The following INPP4B variants were observed in gnomAD, a reference collection of about 807,000 sequenced individuals.
INPP4B encodes inositol polyphosphate-4-phosphatase type II B.
INPP4B carries 55 observed loss-of-function variants against 122.5 expected under a neutral mutation model. That is an observed-to-expected ratio of 0.45 (90% CI 0.36 to 0.56). The LOEUF (loss-of-function observed/expected upper bound fraction) is 0.56. Ranked by LOEUF, INPP4B falls within the 20% of genes least tolerant of loss-of-function variation. The probability of loss-of-function intolerance (pLI) is 0.00; values close to 1 mark genes in which losing one functional copy is unlikely to be tolerated. For missense variants in INPP4B, 1,000 were observed against 1,097.7 expected (o/e 0.91, Z 1.26); for synonymous variants, 403 against 388.7 (o/e 1.04, Z -0.43).
intron 2 of INPP4B, among the ~76,000 whole-genome samples, chr4:142,530,973 G>C (rs1407472587): frequency 1.3e-5 from 2 of 151,980 alleles, no homozygotes; most frequent in Non-Finnish European, 2.9e-5. Context: ...CAAAAGAAGT[G>C]TTATGACACA....
chr4:142,200,677 A>G (rs1840264742), intron 14 of INPP4B, among the ~76,000 whole-genome samples: 1 of 152,060 alleles, frequency 6.6e-6, no homozygotes, highest in South Asian at 2.1e-4. Context: ...TCTAAGACAG[A>G]CATATTGATA....
At chr4:142,477,121 A>G (rs2149717954) in intron 2 of INPP4B, among the ~76,000 whole-genome samples, 1 of 152,342 alleles carries the variant, frequency 6.6e-6, no homozygotes, top group Non-Finnish European at 1.5e-5. Context: ...CACAATAAAA[A>G]TAGAAAACAA....
At chr4:142,199,758 G>C (rs1839890245) in intron 14 of INPP4B, among the ~76,000 whole-genome samples, 1 of 151,938 alleles carries the variant, frequency 6.6e-6, no homozygotes, top group Admixed American at 6.6e-5. Context: ...ATTAGACTTA[G>C]GTTGTGCAAT....
At position 142,028,891 on chromosome 4, in the gene INPP4B, A is replaced by C; in HGVS notation, c.2666T>G (p.Val889Gly). The C allele has an allele frequency of 6.2e-7, 1 of 1,613,038 alleles. No individual in the cohort carries two copies. Among genetic ancestry groups the C allele is most frequent in the Non-Finnish European group, 8.5e-7 (1 of 1,179,454 alleles). The change falls in exon 26 of 26, where the codon GTA becomes GGA. Residue 889 changes from valine (V) to glycine (G), a missense_variant. Coordinates refer to ENST00000262992, the MANE Select transcript of INPP4B (RefSeq NM_001101669.3). ...CTTTCTGCATTTGATATTCTTCAGT[A>C]CATTCTCTATGCGGCATCCTTCTCT... is the stretch of plus-strand genomic sequence containing the variant. ...MRREGCRIEN[V>G]LKNIKCRKYA... is the part of the protein sequence containing the mutation.
intron 2 of INPP4B, among the ~76,000 whole-genome samples, chr4:142,658,705 A>G (rs1754605513): frequency 6.6e-6 from 1 of 152,244 alleles, no homozygotes; most frequent in South Asian, 2.1e-4. Context: ...CTAGAAGGGT[A>G]TGCTTCCCTT....
At chr4:142,098,229 G>T (rs1375890482) in intron 23 of INPP4B, among the ~76,000 whole-genome samples, 5 of 152,070 alleles carry the variant, frequency 3.3e-5, no homozygotes, top group Non-Finnish European at 7.4e-5. Context: ...GTGTGGAGCA[G>T]AGTGAGGTAA....
chr4:142,267,087 T>C (rs1392099518), intron 10 of INPP4B, among the ~76,000 whole-genome samples: 1 of 152,210 alleles, frequency 6.6e-6, no homozygotes, highest in Non-Finnish European at 1.5e-5. Context: ...AAGTATCCCA[T>C]GCTCGTGGAT....
chr4:142,700,952 C>T (rs1761676107), intron 2 of INPP4B, among the ~76,000 whole-genome samples: 1 of 152,014 alleles, frequency 6.6e-6, no homozygotes. Context: ...ATGTATCAGT[C>T]AGGGCTATAG....
intron 5 of INPP4B, among the ~76,000 whole-genome samples, chr4:142,411,633 T>C (rs1202188253): frequency 9.9e-5 from 15 of 152,174 alleles, no homozygotes; most frequent in Admixed American, 9.8e-4. Context: ...GGCTAATGCC[T>C]GTAATCCCAG....
At chr4:142,474,664 T>G (rs928462116) in intron 2 of INPP4B, among the ~76,000 whole-genome samples, 4 of 152,036 alleles carry the variant, frequency 2.6e-5, no homozygotes, top group African/African-American at 9.6e-5. Flanking sequence ...CTCCTGCTGC[T>G]GGTAGCCAGG....
At chr4:142,737,531 C>A (rs975283818) in intron 1 of INPP4B, among the ~76,000 whole-genome samples, 12 of 152,236 alleles carry the variant, frequency 7.9e-5, no homozygotes, top group Admixed American at 6.5e-4. Context: ...CTAGGCAATA[C>A]CATTCAGGAC....
chr4:142,069,915 A>C (rs115060422), intron 25 of INPP4B, among the ~76,000 whole-genome samples: 1 of 152,130 alleles, frequency 6.6e-6, no homozygotes, highest in East Asian at 1.9e-4. Flanking sequence ...ACAAACAGGA[A>C]CTGGTACCGT....
At chr4:142,252,329 C>T (rs1194500670) in intron 11 of INPP4B, among the ~76,000 whole-genome samples, 2 of 151,592 alleles carry the variant, frequency 1.3e-5, no homozygotes, top group Admixed American at 6.6e-5. Context: ...GCTGGGACTA[C>T]AGGCGCCCGC....
intron 2 of INPP4B, among the ~76,000 whole-genome samples, chr4:142,619,396 T>C (rs2150366198): frequency 6.6e-6 from 1 of 152,172 alleles, no homozygotes; most frequent in Admixed American, 6.6e-5. Flanking sequence ...CAATGGAATA[T>C]GATTCAGCCT....
In INPP4B at chr4:142,272,366, T is replaced by C. The variant is rs114752483; in HGVS notation, c.504-1592A>G. Among the ~76,000 whole-genome samples the C allele has an allele frequency of 5.1e-3, 779 of 152,078 alleles. 4 individuals are homozygous for C. The highest frequency in any genetic ancestry group is 8.5e-3 in the Non-Finnish European group (579 of 67,892). ...TAAGAAAATTAAAAGAGAAAATTTC[T>C]GATAGCATGTACACAGCTGATTTCA... On this transcript the variant is annotated intron_variant, in intron 9 of 25. Coordinates refer to ENST00000262992, the MANE Select transcript of INPP4B (RefSeq NM_001101669.3).
At chr4:142,174,631 T>TA (rs1827211309) in intron 15 of INPP4B, among the ~76,000 whole-genome samples, 2 of 71,776 alleles carry the variant, frequency 2.8e-5, no homozygotes, top group East Asian at 4.5e-4. Context: ...ATTATTGACT[T>TA]CTTTTTTTTA....
Position 142,086,190 on chromosome 4 carries a change from T to A in INPP4B, c.2441A>T (p.Gln814Leu). The change falls in exon 24 of 26, where the codon CAA becomes CTA. Residue 814 changes from glutamine (Q) to leucine (L), a missense_variant. By Grantham distance (113) the Gln-to-Leu change is moderately radical (BLOSUM62 -2). Transcript: ENST00000262992. The part of the protein sequence containing the change: ...ALLENLLQNI[Q>L]SKKRKNVEIM... ...TTCTACATTCTTTCTTTTTTTGGAT[T>A]GGATATTTTGAAGGAGATTTTCTAG... 1 of 1,604,598 alleles carries A rather than the reference T, an allele frequency of 6.2e-7. No homozygotes were observed. The highest frequency in any genetic ancestry group is 8.5e-7 in the Non-Finnish European group (1 of 1,171,408).
At chr4:142,729,500 G>A (rs1765780668) in intron 1 of INPP4B, among the ~76,000 whole-genome samples, 1 of 107,512 alleles carries the variant, frequency 9.3e-6, no homozygotes, top group Non-Finnish European at 1.9e-5. Flanking sequence ...TGATGCCTCT[G>A]GAATATAGCA....
intron 7 of INPP4B, among the ~76,000 whole-genome samples, chr4:142,383,661 GA>G (rs556031063): frequency 6.6e-6 from 1 of 151,260 alleles, no homozygotes; most frequent in African/African-American, 2.4e-5. Flanking sequence ...ACTGATAAGA[GA>G]AAAAAAAGTC....
Sources: allele counts gnomAD v4.1 joint callset (sites outside exome capture counted in the v4.1 genomes callset), GRCh38; gene constraint gnomAD v4.1.1; transcripts MANE v1.5; gene names NCBI Gene and HGNC (gene_info 2026-07-23, HGNC 2026-07-21).